The following USH2A variants were observed in gnomAD, a reference collection of about 807,000 sequenced individuals.
The protein encoded by USH2A is usherin, also known as Usher syndrome 2A (autosomal recessive, mild).
Under a neutral mutation model 538.9 loss-of-function variants are expected in USH2A, and 443 were observed. That is an observed-to-expected ratio of 0.82 (90% confidence interval 0.76 to 0.89). The LOEUF (loss-of-function observed/expected upper bound fraction) is 0.89. USH2A is among the 40% of genes least tolerant of loss of function. The pLI is 0.00. For missense variants in USH2A, 6,633 were observed against 6,324.8 expected (o/e 1.05, Z -1.65); for synonymous variants, 2,413 against 2,273.5 (o/e 1.06, Z -1.75).
chr1:215,664,876 C>A lies in USH2A; in HGVS notation c.14133+6096G>T, dbSNP rs552927389. Among the ~76,000 whole-genome samples the A allele has an allele frequency of 3.9e-4, 60 of 152,296 alleles. 1 individual carries two copies. Among genetic ancestry groups the A allele is most frequent in the Admixed American group, 3.5e-3 (54 of 15,296 alleles). ...GTGCCTTGACCTTGTACTTTCCCGC[C>A]TCTAGAATTGTGGGAAATAAATATT... On this transcript the variant is annotated intron_variant, in intron 64 of 71. Transcript: ENST00000307340.
intron 38 of USH2A, 35 bp from the exon 39 acceptor site, chr1:215,900,940 A>T: frequency 6.2e-7 from 1 of 1,612,268 alleles, no homozygotes; most frequent in Non-Finnish European, 8.5e-7. Context: ...GAGCAGAGAA[A>T]ACTGTGGAGA....
At position 215,813,919 on chromosome 1, in the gene USH2A, A is replaced by G. The variant is rs1444917002; in HGVS notation, c.9571-15T>C. The G allele has an allele frequency of 1.2e-6, 2 of 1,613,310 alleles. No homozygotes were observed. The highest frequency in any genetic ancestry group is 4.5e-5 in the East Asian group (2 of 44,806). ...TTACAACAAACCTGAAAGTTTGAAAACAGTTTTAAAGAAATATCAGTTTAG... is the reference window on the plus strand; with the variant it reads ...TTACAACAAACCTGAAAGTTTGAAAGCAGTTTTAAAGAAATATCAGTTTAG... On this transcript the variant is annotated splice_polypyrimidine_tract_variant and intron_variant, in intron 48 of 71. Coordinates refer to ENST00000307340, the MANE Select transcript of USH2A (RefSeq NM_206933.4).
At chr1:216,215,149 C>A (rs2035319355) in intron 15 of USH2A, among the ~76,000 whole-genome samples, 1 of 151,986 alleles carries the variant, frequency 6.6e-6, no homozygotes, top group African/African-American at 2.4e-5. Flanking sequence ...ACCCTGACAG[C>A]CCACCAAAAA....
chr1:215,735,490 C>T (rs1214075811), intron 60 of USH2A, among the ~76,000 whole-genome samples: 3 of 152,056 alleles, frequency 2.0e-5, no homozygotes, highest in African/African-American at 7.2e-5. Flanking sequence ...ATAGGAAAAT[C>T]GGAGACAGTG....
intron 42 of USH2A, 64 bp from the exon 43 acceptor site, chr1:215,877,944 C>T (rs1448141263): frequency 6.2e-7 from 1 of 1,609,584 alleles, no homozygotes; most frequent in East Asian, 2.2e-5. Flanking sequence ...TACCAAAACT[C>T]AGGCTGTTCT....
intron 21 of USH2A, among the ~76,000 whole-genome samples, chr1:216,115,442 G>A (rs145638373): frequency 8.4e-4 from 128 of 152,214 alleles, no homozygotes; most frequent in Non-Finnish European, 1.1e-3. Context: ...ATTGTGCTGG[G>A]CACAAATATA....
At chr1:216,342,697 T>A (rs2038098030) in intron 4 of USH2A, among the ~76,000 whole-genome samples, 2 of 152,124 alleles carry the variant, frequency 1.3e-5, no homozygotes, top group South Asian at 4.1e-4. Context: ...GAAACTCTGA[T>A]GAAGCTGGAA....
At chr1:216,114,827 T>C (rs889741414) in intron 21 of USH2A, among the ~76,000 whole-genome samples, 7 of 152,198 alleles carry the variant, frequency 4.6e-5, no homozygotes, top group African/African-American at 1.7e-4. Context: ...TGAATAGCTT[T>C]TTAAACTTAG....
chr1:215,928,568 C>T (rs188462067), intron 38 of USH2A, among the ~76,000 whole-genome samples: 1 of 152,076 alleles, frequency 6.6e-6, no homozygotes. Flanking sequence ...ATCATACATT[C>T]CAGCATACAT....
chr1:216,135,594 C>A (rs1414604149), intron 21 of USH2A, among the ~76,000 whole-genome samples: 9 of 152,016 alleles, frequency 5.9e-5, no homozygotes, highest in Non-Finnish European at 1.0e-4. Context: ...TTTACTATAA[C>A]TGTTATACTG....
intron 13 of USH2A, among the ~76,000 whole-genome samples, chr1:216,233,999 A>G (rs1355490514): frequency 1.3e-5 from 2 of 152,220 alleles, no homozygotes; most frequent in Non-Finnish European, 2.9e-5. Context: ...TCTAATGAAT[A>G]CAGTTACAGC....
intron 32 of USH2A, among the ~76,000 whole-genome samples, chr1:216,034,028 A>C (rs1032291088): frequency 6.6e-6 from 1 of 152,198 alleles, no homozygotes; most frequent in Non-Finnish European, 1.5e-5. Context: ...AGTTGGAGTA[A>C]AAACACTTGT....
At chr1:216,111,179 C>T (rs372315618) in intron 21 of USH2A, among the ~76,000 whole-genome samples, 16 of 152,042 alleles carry the variant, frequency 1.1e-4, no homozygotes, top group Non-Finnish European at 2.4e-4. Flanking sequence ...TGCAGTGAGC[C>T]GAGATCGTGC....
chr1:215,918,948 G>A (rs797003124), intron 38 of USH2A, among the ~76,000 whole-genome samples: 6 of 152,082 alleles, frequency 3.9e-5, no homozygotes, highest in African/African-American at 1.4e-4. Flanking sequence ...TTAGGTTTAT[G>A]AACCTAGGGG....
chr1:216,244,040 G>A (rs191907008), intron 13 of USH2A, among the ~76,000 whole-genome samples: 7 of 134,382 alleles, frequency 5.2e-5, no homozygotes, highest in Admixed American at 3.1e-4. Context: ...ATAGGTTTGA[G>A]TTAAACCACC....
At chr1:216,416,690 A>G (rs776131793) in intron 3 of USH2A, among the ~76,000 whole-genome samples, 4 of 152,140 alleles carry the variant, frequency 2.6e-5, no homozygotes, top group Non-Finnish European at 5.9e-5. Flanking sequence ...TTTTATCCCC[A>G]AGGGAGTAAT....
chr1:216,305,070 T>C (rs2037288313), intron 9 of USH2A, among the ~76,000 whole-genome samples: 1 of 152,184 alleles, frequency 6.6e-6, no homozygotes, highest in Admixed American at 6.5e-5. Flanking sequence ...TGTTTCTTTG[T>C]TGACTTTCTG....
chr1:215,801,067 AT>A (rs1467625233), intron 49 of USH2A, among the ~76,000 whole-genome samples: 1 of 152,276 alleles, frequency 6.6e-6, no homozygotes, highest in East Asian at 1.9e-4. Flanking sequence ...TGTAGAACAA[AT>A]ATTTGACAAA....
intron 30 of USH2A, among the ~76,000 whole-genome samples, chr1:216,050,486 G>A (rs1312908983): frequency 6.6e-6 from 1 of 151,576 alleles, no homozygotes; most frequent in African/African-American, 2.4e-5. Flanking sequence ...CTAGTGCAGA[G>A]CTATGCCATT....
Sources: gnomAD v4.1 joint callset for allele counts (sites outside exome capture counted in the v4.1 genomes callset) on GRCh38, gnomAD v4.1.1 for gene constraint, MANE v1.5 for transcripts, NCBI Gene and HGNC (gene_info 2026-07-23, HGNC 2026-07-21) for gene names.